Variants in EYS observed in about 807,000 individuals in gnomAD.
EYS encodes the protein protein eyes shut homolog.
Under a neutral mutation model 282.1 loss-of-function variants are expected in EYS, and 250 were observed. That is an observed-to-expected ratio of 0.89 (90% CI 0.80 to 0.98). The LOEUF (loss-of-function observed/expected upper bound fraction) is 0.98. Ranked by LOEUF, EYS falls within the 50% of genes least tolerant of loss-of-function variation. The pLI is 0.00. For missense variants in EYS, 4,016 were observed against 3,709.0 expected (o/e 1.08, Z -2.15); for synonymous variants, 1,355 against 1,282.9 (o/e 1.06, Z -1.20).
At chr6:64,420,991 C>T (rs550015600) in intron 28 of EYS, among the ~76,000 whole-genome samples, 3 of 152,288 alleles carry the variant, frequency 2.0e-5, no homozygotes, top group East Asian at 1.9e-4. Context: ...GCTTCAAAGT[C>T]GCTTCCACAT....
intron 2 of EYS, among the ~76,000 whole-genome samples, chr6:65,618,462 C>G (rs1361239438): frequency 6.6e-6 from 1 of 152,206 alleles, no homozygotes; most frequent in Non-Finnish European, 1.5e-5. Flanking sequence ...AGCCCTTTGT[C>G]AGATGAGTAG....
chr6:64,273,171 T>C (rs1204930478), intron 30 of EYS, among the ~76,000 whole-genome samples: 1 of 152,214 alleles, frequency 6.6e-6, no homozygotes, highest in Non-Finnish European at 1.5e-5. Context: ...CTCTTTATTC[T>C]GCTTTTTGCA....
chr6:64,153,987 CA>C (rs1293717794), intron 31 of EYS, among the ~76,000 whole-genome samples: 1 of 152,002 alleles, frequency 6.6e-6, no homozygotes, highest in Admixed American at 6.6e-5. Flanking sequence ...GCAGATTATC[CA>C]AAGATACAGT....
At chr6:65,301,751 G>A (rs923401009) in intron 11 of EYS, among the ~76,000 whole-genome samples, 1 of 152,260 alleles carries the variant, frequency 6.6e-6, no homozygotes, top group Non-Finnish European at 1.5e-5. Context: ...TTGTAGGATT[G>A]GTGAAACCGT....
chr6:65,652,370 A>C (rs1358151398), intron 1 of EYS, among the ~76,000 whole-genome samples: 1 of 152,042 alleles, frequency 6.6e-6, no homozygotes, highest in African/African-American at 2.4e-5. Flanking sequence ...TTATTGAGGC[A>C]ATTGGAGGAA....
chr6:65,698,863 A>G (rs1769552451), intron 1 of EYS, among the ~76,000 whole-genome samples: 1 of 152,196 alleles, frequency 6.6e-6, no homozygotes, highest in African/African-American at 2.4e-5. Context: ...TTGTTTCACC[A>G]TAAGAAAAAC....
chr6:64,722,436 A>G (rs769727257), intron 22 of EYS, among the ~76,000 whole-genome samples: 1 of 152,050 alleles, frequency 6.6e-6, no homozygotes, highest in Non-Finnish European at 1.5e-5. Flanking sequence ...AACGAAGAGA[A>G]GAGGAGGGAT....
intron 12 of EYS, among the ~76,000 whole-genome samples, chr6:65,147,322 T>G (rs62407228): frequency 0.26 from 39,033 of 151,926 alleles, 5,355 homozygotes; most frequent in African/African-American, 0.35. Context: ...AATATTAACA[T>G]AAATAAAATA....
At chr6:63,755,173 G>A (rs1404373404) in intron 41 of EYS, among the ~76,000 whole-genome samples, 4 of 152,000 alleles carry the variant, frequency 2.6e-5, no homozygotes, top group African/African-American at 4.8e-5. Context: ...TTCTTTTGCC[G>A]TGCAGAAACT....
At chr6:65,706,428 T>C (rs1206676201) in intron 1 of EYS, among the ~76,000 whole-genome samples, 1 of 152,056 alleles carries the variant, frequency 6.6e-6, no homozygotes, top group African/African-American at 2.4e-5. Context: ...TATTGAACCA[T>C]AAATCTCCTA....
rs116045346 is a variant in EYS, at chr6:63,999,272, T to C, written c.6726-89A>G. 3,307 of 809,452 alleles carry C rather than the reference T, an allele frequency of 4.1e-3. 67 individuals are homozygous for C. In the African/African-American group the frequency reaches 0.048, roughly 12 times the overall value. The allele number at this position is 809,452 out of a possible 1,614,324, so 50.1% of individuals were successfully genotyped here. On this transcript the variant is annotated intron_variant, in intron 33 of 42. Coordinates refer to ENST00000503581, the MANE Select transcript of EYS (RefSeq NM_001142800.2). ...ACATGGATAGTAAGTACTTCTTCAT[T>C]GAGAGAGGTACTTTCTGGATCACAA...
At chr6:65,549,341 T>C (rs992382508) in intron 2 of EYS, among the ~76,000 whole-genome samples, 1 of 152,138 alleles carries the variant, frequency 6.6e-6, no homozygotes, top group African/African-American at 2.4e-5. Context: ...GTATGTTTCC[T>C]ATATAAACTA....
chr6:65,597,377 A>G (rs942865825), intron 2 of EYS, among the ~76,000 whole-genome samples: 1 of 152,070 alleles, frequency 6.6e-6, no homozygotes, highest in African/African-American at 2.4e-5. Flanking sequence ...ATCATAATTC[A>G]AAGAGTTCAC....
At chr6:64,688,008 G>T (rs969683512) in intron 22 of EYS, among the ~76,000 whole-genome samples, 2 of 151,974 alleles carry the variant, frequency 1.3e-5, no homozygotes, top group Admixed American at 1.3e-4. Flanking sequence ...TAGTTTATTT[G>T]TGTAGAGGTG....
chr6:65,117,298 T>C (rs939670144), intron 12 of EYS, among the ~76,000 whole-genome samples: 26 of 152,192 alleles, frequency 1.7e-4, no homozygotes, highest in Non-Finnish European at 2.1e-4. Flanking sequence ...CAAAGCACCT[T>C]CTAAAGCTAT....
At chr6:64,155,847 A>G (rs79184557) in intron 31 of EYS, among the ~76,000 whole-genome samples, 1,879 of 152,114 alleles carry the variant, frequency 0.012, 37 homozygotes, top group African/African-American at 0.043. Context: ...GTCTCCTTAT[A>G]TTTTGTGTGA....
At chr6:64,552,358 G>A (rs995881263) in intron 26 of EYS, among the ~76,000 whole-genome samples, 14 of 152,040 alleles carry the variant, frequency 9.2e-5, no homozygotes, top group Non-Finnish European at 1.3e-4. Flanking sequence ...GTCTCTTGTC[G>A]GGGAAAATCT....
intron 28 of EYS, among the ~76,000 whole-genome samples, chr6:64,399,796 G>T (rs75430617): frequency 0.031 from 4,714 of 151,942 alleles, 229 homozygotes; most frequent in African/African-American, 0.11. Flanking sequence ...TTGACTCATT[G>T]TACAAAAATA....
At chr6:65,382,977 C>G (rs181196434) in intron 8 of EYS, among the ~76,000 whole-genome samples, 1 of 132,926 alleles carries the variant, frequency 7.5e-6, no homozygotes, top group East Asian at 2.4e-4. Flanking sequence ...GCATCACATG[C>G]TAGTACCACA....
Sources: gnomAD v4.1 joint callset for allele counts (sites outside exome capture counted in the v4.1 genomes callset) on GRCh38, gnomAD v4.1.1 for gene constraint, MANE v1.5 for transcripts, NCBI Gene and HGNC (gene_info 2026-07-23, HGNC 2026-07-21) for gene names.